The following ITPR3 variants were observed in gnomAD, a reference collection of about 807,000 sequenced individuals.
ITPR3 encodes the protein inositol 1,4,5-trisphosphate-gated calcium channel ITPR3.
A neutral mutation model predicts 293.2 loss-of-function variants in ITPR3; 173 were observed. That is an observed-to-expected ratio of 0.59 (90% confidence interval 0.52 to 0.67). The LOEUF (loss-of-function observed/expected upper bound fraction) is 0.67. Among genes scored for constraint, ITPR3 ranks in the 30% least tolerant of loss-of-function variants. The probability of loss-of-function intolerance (pLI) is 0.00; values close to 1 mark genes in which losing one functional copy is unlikely to be tolerated. For missense variants in ITPR3, 2,796 were observed against 3,592.1 expected (o/e 0.78, Z 5.66); for synonymous variants, 1,295 against 1,444.4 (o/e 0.90, Z 2.35).
rs1250142808 is a variant in ITPR3 at position 33,662,829 on chromosome 6, A to T, written c.859-82A>T. The T allele has an allele frequency of 2.7e-6, 4 of 1,500,520 alleles. No individual in the cohort carries two copies. In the Admixed American group the frequency reaches 8.0e-5, roughly 30 times the overall value. The allele number at this position is 1,500,520 out of a possible 1,614,324, so 93.0% of individuals were successfully genotyped here. A position where few individuals can be genotyped will look rare whatever the true frequency, so the allele number is the denominator to read the frequency against. On this transcript the variant is annotated intron_variant, in intron 8 of 57. Coordinates refer to ENST00000605930, the MANE Select transcript of ITPR3 (RefSeq NM_002224.4). Reference sequence around the variant, plus strand: ...GAGAGGGTCCAGAACCCACCCACCCAGAGATCTCCAGGCCTCCCTGGGGTC... The same window carrying T: ...GAGAGGGTCCAGAACCCACCCACCCTGAGATCTCCAGGCCTCCCTGGGGTC...
At position 33,683,363 on chromosome 6, in the gene ITPR3, A is replaced by G; in HGVS notation, c.4754A>G (p.Gln1585Arg). ...AFPRVTPTAN[Q>R]WDYKNIIEKL... ...CCCCGCGTCACCCCCACCGCCAACCAGTGGGACTACAAGAACATCATTGAG... is the reference window on the plus strand; with the variant it reads ...CCCCGCGTCACCCCCACCGCCAACCGGTGGGACTACAAGAACATCATTGAG... The change falls in exon 35 of 58, where the codon CAG becomes CGG. Residue 1585 changes from glutamine (Q) to arginine (R), a missense_variant. Transcript: ENST00000605930. The surrounding 1 kb of genome is among the most constrained non-coding windows in gnomAD (Gnocchi z 4.5). 1 of 1,594,296 alleles carries G rather than the reference A, an allele frequency of 6.3e-7. No individual in the cohort carries two copies. Among genetic ancestry groups the G allele is most frequent in the South Asian group, 1.1e-5 (1 of 87,540 alleles).
In ITPR3 at chr6:33,633,758, G is replaced by GCGGGGCCGGGGCCGGGGC. The variant is rs1183838580; in HGVS notation, c.90-6722_90-6705dup. On this transcript the variant is annotated intron_variant, in intron 1 of 57. Coordinates refer to ENST00000605930, the MANE Select transcript of ITPR3 (RefSeq NM_002224.4). This position sits in a 1 kb window ranked among gnomAD's most constrained non-coding sequence, Gnocchi z 5.2. The stretch of plus-strand genomic sequence containing the variant: ...GTTTCGCTTCGCCGCGGGGGCGGGG[G>GCGGGGCCGGGGCCGGGGC]CGGGGCCGGGGCCGGGGCCGGACGC... Among the ~76,000 whole-genome samples, 10 of 144,906 alleles carry GCGGGGCCGGGGCCGGGGC rather than the reference G, an allele frequency of 6.9e-5. No homozygotes were observed. Among genetic ancestry groups the GCGGGGCCGGGGCCGGGGC allele is most frequent in the Non-Finnish European group, 1.1e-4 (7 of 65,248 alleles).
rs544002447 is a variant in ITPR3 at position 33,687,661 on chromosome 6, G to C, written c.6264+97G>C. The C allele has an allele frequency of 6.7e-5, 65 of 977,160 alleles. No individual in the cohort carries two copies. In the Admixed American group the frequency reaches 1.4e-3, roughly 20 times the overall value. 60.5% of individuals were successfully genotyped at this position (977,160 alleles called of 1,614,324 possible). On this transcript the variant is annotated intron_variant, in intron 46 of 57. Coordinates refer to ENST00000605930, the MANE Select transcript of ITPR3 (RefSeq NM_002224.4). The surrounding 1 kb of genome is among the most constrained non-coding windows in gnomAD (Gnocchi z 5.3). Reference sequence around the variant, plus strand: ...TGGCCTGGAACAGAGTGAGGCCCTAGAATATGAGCCAGGCTAGAATTTGGG... The same window carrying C: ...TGGCCTGGAACAGAGTGAGGCCCTACAATATGAGCCAGGCTAGAATTTGGG...
At chr6:33,686,697 G>A (rs1170735518) in intron 43 of ITPR3, among the ~76,000 whole-genome samples, 178 bp downstream of exon 43, 3 of 152,174 alleles carry the variant, frequency 2.0e-5, no homozygotes, top group African/African-American at 7.2e-5. Context: ...TGTAATATAC[G>A]CATGTTTAAG....
intron 18 of ITPR3, 26 bp downstream of exon 18, chr6:33,669,182 C>A: frequency 6.2e-7 from 1 of 1,605,970 alleles, no homozygotes; most frequent in Non-Finnish European, 8.5e-7. Context: ...TCCTCCCCTC[C>A]CTCTTCCTGT....
At chr6:33,626,282 C>T (rs1025332011) in intron 1 of ITPR3, among the ~76,000 whole-genome samples, 19 of 152,086 alleles carry the variant, frequency 1.2e-4, no homozygotes, top group Non-Finnish European at 2.5e-4. Flanking sequence ...AGTGAGTTTC[C>T]GTCAGCCTGC....
rs771125801 is a variant in ITPR3 at position 33,693,531 on chromosome 6, C to T, written c.7625-14C>T. On this transcript the variant is annotated splice_polypyrimidine_tract_variant and intron_variant, in intron 55 of 57. Transcript: ENST00000605930. Reference sequence around the variant, plus strand: ...GAAGGCTGATGGTTTCATTCCCGCCCTCTGCACCCTCAGGTCTGGAGAGGG... The same window carrying T: ...GAAGGCTGATGGTTTCATTCCCGCCTTCTGCACCCTCAGGTCTGGAGAGGG... The T allele has an allele frequency of 6.2e-7, 1 of 1,613,434 alleles. No homozygotes were observed. The highest frequency in any genetic ancestry group is 8.5e-7 in the Non-Finnish European group (1 of 1,179,570).
chr6:33,626,387 C>A (rs955599669), intron 1 of ITPR3, among the ~76,000 whole-genome samples: 2 of 152,194 alleles, frequency 1.3e-5, no homozygotes, highest in African/African-American at 4.8e-5. Flanking sequence ...CCAACTGAAT[C>A]ACCATCTCTA....
chr6:33,662,421 C>A, intron 7 of ITPR3, 107 bp from the exon 8 acceptor site: 9 of 1,311,148 alleles, frequency 6.9e-6, no homozygotes, highest in Non-Finnish European at 9.3e-6. Context: ...GGAAGAGGGG[C>A]CCTGCCAGCA....
At chr6:33,644,463 G>A (rs1582112215) in intron 2 of ITPR3, among the ~76,000 whole-genome samples, 2 of 151,772 alleles carry the variant, frequency 1.3e-5, no homozygotes, top group South Asian at 4.2e-4. Context: ...AGCTGTAGCC[G>A]AAGCCCCCTA....
chr6:33,644,243 G>A (rs1289565412), intron 2 of ITPR3, among the ~76,000 whole-genome samples: 1 of 152,004 alleles, frequency 6.6e-6, no homozygotes, highest in Non-Finnish European at 1.5e-5. Context: ...CCACTGCTGA[G>A]CTTTGTCAAA....
In ITPR3 at chr6:33,691,775, G is replaced by C. The variant is rs764215056; in HGVS notation, c.7331-26G>C. ...TGGGGTAGGAGGAGCAGGCAGCCCG[G>C]GCCTCAGCACACTCTCCGCTTGCAG... On this transcript the variant is annotated intron_variant, in intron 53 of 57. Coordinates refer to ENST00000605930, the MANE Select transcript of ITPR3 (RefSeq NM_002224.4). The surrounding 1 kb of genome is among the most constrained non-coding windows in gnomAD (Gnocchi z 4.9). The C allele has an allele frequency of 2.5e-6, 4 of 1,613,830 alleles. No individual in the cohort carries two copies. The East Asian group carries it at 8.9e-5, about 36-fold the overall frequency.
intron 17 of ITPR3, 69 bp from the exon 18 acceptor site, chr6:33,668,905 G>A: frequency 6.6e-7 from 1 of 1,507,146 alleles, no homozygotes; most frequent in Non-Finnish European, 9.1e-7. Flanking sequence ...GGCCGGGTGT[G>A]CTCAGGGAGG....
In ITPR3 at chr6:33,667,753, T is replaced by C; in HGVS notation, c.1714-39T>C. On this transcript the variant is annotated intron_variant, in intron 15 of 57. Transcript: ENST00000605930. This position sits in a 1 kb window ranked among gnomAD's most constrained non-coding sequence, Gnocchi z 4.4. ...AGCAGAGCTGGGCCCTTGGCCCACC[T>C]GTGACTCTCTGTGACCCCCAGCCTG... is the stretch of plus-strand genomic sequence containing the variant. 6.2e-7 allele frequency: 1 copy of C among 1,610,628 alleles called. No homozygotes were observed. The highest frequency in any genetic ancestry group is 1.1e-5 in the South Asian group (1 of 90,574).
intron 2 of ITPR3, 79 bp downstream of exon 2, chr6:33,640,633 A>C (rs1763927514): frequency 1.7e-6 from 2 of 1,209,076 alleles, no homozygotes; most frequent in Non-Finnish European, 2.3e-6. Flanking sequence ...ATTCAACTGC[A>C]TTCAGCCCCA....
rs536497926 is a variant in ITPR3 at position 33,638,388 on chromosome 6, C to G, written c.90-2096C>G. Among the ~76,000 whole-genome samples, 1 of 152,296 alleles carries G rather than the reference C, an allele frequency of 6.6e-6. No individual in the cohort carries two copies. The highest frequency in any genetic ancestry group is 2.1e-4 in the South Asian group (1 of 4,824). ...CTCTCCTTCCAGGAGGAGGTCGTGA[C>G]GGAGGTGGGGCTGAAAATGGGAACC... On this transcript the variant is annotated intron_variant, in intron 1 of 57. Transcript: ENST00000605930. The surrounding 1 kb of genome is among the most constrained non-coding windows in gnomAD (Gnocchi z 4.3).
At position 33,672,127 on chromosome 6, in the gene ITPR3, G is replaced by C. The variant is rs753957343; in HGVS notation, c.2827G>C (p.Ala943Pro). ...CGTCTTCAGTGCCCCCAGCCTGTCT[G>C]CTGGGGCCAGTGCTGCTGAGCCGCT... ...QSVFSAPSLSAGASAAEPLDR... is the reference protein window; with the variant it reads ...QSVFSAPSLSPGASAAEPLDR... The change falls in exon 22 of 58, where the codon GCT (alanine) becomes CCT (proline). Residue 943 changes from alanine to proline, a missense_variant. By Grantham distance (27) the Ala-to-Pro change is conservative. Coordinates refer to ENST00000605930, the MANE Select transcript of ITPR3 (RefSeq NM_002224.4). The surrounding 1 kb of genome is among the most constrained non-coding windows in gnomAD (Gnocchi z 5.0). 6 of 1,613,966 alleles carry C rather than the reference G, an allele frequency of 3.7e-6. 1 individual carries two copies. In the South Asian group the frequency reaches 4.4e-5, roughly 12 times the overall value.
Position 33,690,037 on chromosome 6 carries a change from A to G in ITPR3, c.6871A>G (p.Thr2291Ala). 1 of 1,614,186 alleles carries G rather than the reference A, an allele frequency of 6.2e-7. No individual in the cohort carries two copies. The highest frequency in any genetic ancestry group is 8.5e-7 in the Non-Finnish European group (1 of 1,180,024). Residue 2291 changes from threonine to alanine, a missense_variant, in exon 51 of 58, where the codon ACC becomes GCC. Transcript: ENST00000605930. ...TLNILGALNL[T>A]NKIVFVVSFV... The stretch of plus-strand genomic sequence containing the variant: ...CATGCCTTGCACTCGCCCCCAGCTG[A>G]CCAACAAGATCGTGTTTGTGGTGAG...
rs1265527538 is a variant in ITPR3, at chr6:33,679,534, G to C, written c.3973-348G>C. On this transcript the variant is annotated intron_variant, in intron 30 of 57. Coordinates refer to ENST00000605930, the MANE Select transcript of ITPR3 (RefSeq NM_002224.4). The surrounding 1 kb of genome is among the most constrained non-coding windows in gnomAD (Gnocchi z 4.2). ...CGCTGGCACGAGAGGTGTGTGCTCA[G>C]TGAGGAGGGTTTAAGTAACTGCTGC... 6.6e-6 allele frequency among the ~76,000 whole-genome samples: 1 copy of C among 152,254 alleles called. No individual in the cohort carries two copies. The highest frequency in any genetic ancestry group is 6.5e-5 in the Admixed American group (1 of 15,290).
Sources: allele counts gnomAD v4.1 joint callset (sites outside exome capture counted in the v4.1 genomes callset), GRCh38; gene constraint gnomAD v4.1.1; non-coding constraint Gnocchi (gnomAD v3.1); transcripts MANE v1.5; gene names NCBI Gene and HGNC (gene_info 2026-07-23, HGNC 2026-07-21).